MAN1A1: variants seen among roughly 807,000 people sequenced by gnomAD.
MAN1A1 encodes the protein mannosidase alpha class 1A member 1.
A neutral mutation model predicts 70.8 loss-of-function variants in MAN1A1; 29 were observed. The observed-to-expected ratio is 0.41, with a 90% CI of 0.31 to 0.56. The LOEUF (loss-of-function observed/expected upper bound fraction) is 0.56. Ranked by LOEUF, MAN1A1 falls within the 20% of genes least tolerant of loss-of-function variation. The probability of loss-of-function intolerance (pLI) is 0.29; values close to 1 mark genes in which losing one functional copy is unlikely to be tolerated. For missense variants in MAN1A1, 747 were observed against 841.3 expected (o/e 0.89, Z 1.39); for synonymous variants, 349 against 330.1 (o/e 1.06, Z -0.62).
At chr6:119,311,781 G>A (rs1772713793) in intron 2 of MAN1A1, among the ~76,000 whole-genome samples, 1 of 152,108 alleles carries the variant, frequency 6.6e-6, no homozygotes, top group Admixed American at 6.6e-5. Flanking sequence ...TCTATTATCA[G>A]AAGACCTTGA....
In MAN1A1 at chr6:119,180,196, C is replaced by T. The variant is rs369318811; in HGVS notation, c.1835+116G>A. 428 of 782,156 alleles carry T rather than the reference C, an allele frequency of 5.5e-4. 1 individual carries two copies. The highest frequency in any genetic ancestry group is 4.9e-3 in the African/African-American group (284 of 58,082). The allele number at this position is 782,156 out of a possible 1,614,324, so 48.5% of individuals were successfully genotyped here. A position where few individuals can be genotyped will look rare whatever the true frequency, so the allele number is the denominator to read the frequency against. On this transcript the variant is annotated intron_variant, in intron 12 of 12. Transcript: ENST00000368468. ...GAATATACCTGCAATTATAGCCATG[C>T]CTGATATTCTGAATCAGGCATACTT... is the stretch of plus-strand genomic sequence containing the variant.
chr6:119,202,187 T>C (rs1255050931), intron 7 of MAN1A1, among the ~76,000 whole-genome samples: 1 of 152,194 alleles, frequency 6.6e-6, no homozygotes, highest in East Asian at 1.9e-4. Flanking sequence ...CTTTGTATAG[T>C]TGTACCAAAA....
chr6:119,317,663 T>C (rs544510364), intron 2 of MAN1A1, among the ~76,000 whole-genome samples: 12 of 152,266 alleles, frequency 7.9e-5, no homozygotes, highest in African/African-American at 2.9e-4. Context: ...TTGAGGAACA[T>C]CTTTGTTGCT....
At chr6:119,221,045 C>G in intron 6 of MAN1A1, among the ~76,000 whole-genome samples, 1 of 151,144 alleles carries the variant, frequency 6.6e-6, no homozygotes, top group South Asian at 2.1e-4. Context: ...TTTTTTAATA[C>G]CCCCGAAGCA....
At chr6:119,192,475 C>T (rs1773466821) in intron 9 of MAN1A1, among the ~76,000 whole-genome samples, 1 of 152,182 alleles carries the variant, frequency 6.6e-6, no homozygotes, top group Non-Finnish European at 1.5e-5. Context: ...CAATGTCATA[C>T]TCAGTGTAGT....
intron 8 of MAN1A1, among the ~76,000 whole-genome samples, chr6:119,198,103 A>T (rs1773621333): frequency 6.6e-6 from 1 of 152,228 alleles, no homozygotes; most frequent in South Asian, 2.1e-4. Context: ...AGAAAAATAT[A>T]CAAGGGCCAG....
At position 119,290,721 on chromosome 6, in the gene MAN1A1, C is replaced by A; in HGVS notation, c.859G>T (p.Gly287Cys). The change falls in exon 5 of 13, where the codon GGT becomes TGT. Residue 287 changes from glycine to cysteine, a missense_variant. Around this residue, in one of 2 missense-constraint regions of MAN1A1, gnomAD observed 419 missense variants for 548.2 expected, o/e 0.76. Coordinates refer to ENST00000368468, the MANE Select transcript of MAN1A1 (RefSeq NM_005907.4). ...SVFEVNIRFVGGLLSAYYLSG... is the reference protein window; with the variant it reads ...SVFEVNIRFVCGLLSAYYLSG... Reference sequence around the variant, plus strand: ...AGATAGTAGGCTGAGAGTAGTCCACCAACAAAGCGTATATTTACTTCAAAG... The same window carrying A: ...AGATAGTAGGCTGAGAGTAGTCCACAAACAAAGCGTATATTTACTTCAAAG... 1 of 1,610,856 alleles carries A rather than the reference C, an allele frequency of 6.2e-7. No individual in the cohort carries two copies.
At chr6:119,342,078 T>G (rs1038862074) in intron 2 of MAN1A1, among the ~76,000 whole-genome samples, 1 of 152,220 alleles carries the variant, frequency 6.6e-6, no homozygotes, top group African/African-American at 2.4e-5. Flanking sequence ...AAATTAATTC[T>G]TTAACATATA....
chr6:119,320,502 A>G (rs1772976382), intron 2 of MAN1A1, among the ~76,000 whole-genome samples: 1 of 152,150 alleles, frequency 6.6e-6, no homozygotes, highest in Admixed American at 6.5e-5. Flanking sequence ...AAACTACTCT[A>G]AAGGTTTGAC....
intron 6 of MAN1A1, among the ~76,000 whole-genome samples, chr6:119,207,941 A>G (rs928569728): frequency 2.0e-5 from 3 of 152,244 alleles, no homozygotes; most frequent in African/African-American, 7.2e-5. Flanking sequence ...CCATTATGAC[A>G]GTATTTTAAA....
chr6:119,204,944 A>G, intron 6 of MAN1A1, 62 bp from the exon 7 acceptor site: 4 of 1,559,924 alleles, frequency 2.6e-6, no homozygotes, highest in Non-Finnish European at 3.5e-6. Context: ...CACTATCTAA[A>G]TAGCAGACAT....
At chr6:119,302,626 C>T (rs1444123433) in intron 3 of MAN1A1, among the ~76,000 whole-genome samples, 1 of 152,046 alleles carries the variant, frequency 6.6e-6, no homozygotes, top group East Asian at 1.9e-4. Flanking sequence ...ATAATCCACC[C>T]ACCTAGGCCT....
chr6:119,340,142 T>G (rs926960232), intron 2 of MAN1A1, among the ~76,000 whole-genome samples: 1 of 152,132 alleles, frequency 6.6e-6, no homozygotes, highest in Non-Finnish European at 1.5e-5. Flanking sequence ...GTGGTGAATT[T>G]CTGGCAGCTG....
intron 5 of MAN1A1, among the ~76,000 whole-genome samples, chr6:119,255,026 T>C (rs969631231): frequency 1.3e-5 from 2 of 152,208 alleles, no homozygotes; most frequent in Non-Finnish European, 2.9e-5. Flanking sequence ...TAAACACATT[T>C]ATCTTTTTAC....
At chr6:119,280,097 C>A (rs1475790785) in intron 5 of MAN1A1, among the ~76,000 whole-genome samples, 1 of 152,246 alleles carries the variant, frequency 6.6e-6, no homozygotes, top group Non-Finnish European at 1.5e-5. Context: ...TTCTTCTCAA[C>A]AACACTTAAA....
chr6:119,271,337 AC>A (rs778238203), intron 5 of MAN1A1, among the ~76,000 whole-genome samples: 6 of 152,206 alleles, frequency 3.9e-5, no homozygotes, highest in South Asian at 2.1e-4. Context: ...TTAAAAAAAA[AC>A]AATGTGATAA....
intron 5 of MAN1A1, among the ~76,000 whole-genome samples, chr6:119,284,854 C>A (rs1166384546): frequency 2.0e-5 from 3 of 152,038 alleles, no homozygotes; most frequent in Non-Finnish European, 4.4e-5. Context: ...CTAAAATTTT[C>A]ATTGTCTACA....
chr6:119,278,342 CTAAT>C (rs553255608), intron 5 of MAN1A1, among the ~76,000 whole-genome samples: 12 of 152,304 alleles, frequency 7.9e-5, no homozygotes, highest in Non-Finnish European at 1.5e-4. Context: ...ACTGCCAACT[CTAAT>C]TATCTGACTT....
At chr6:119,273,213 G>T (rs1562220459) in intron 5 of MAN1A1, among the ~76,000 whole-genome samples, 1 of 152,086 alleles carries the variant, frequency 6.6e-6, no homozygotes, top group Non-Finnish European at 1.5e-5. Flanking sequence ...CTGATCAAAA[G>T]AATATTACAA....
Sources: gnomAD v4.1 joint callset for allele counts (sites outside exome capture counted in the v4.1 genomes callset) on GRCh38, gnomAD v4.1.1 for gene constraint, gnomAD v4.1.1 regional missense constraint, MANE v1.5 for transcripts, NCBI Gene and HGNC (gene_info 2026-07-23, HGNC 2026-07-21) for gene names.